DENND1A: variants seen among roughly 807,000 people sequenced by gnomAD.
DENND1A encodes DENN domain containing 1A, also known as DENN domain-containing protein 1A.
DENND1A carries 51 observed loss-of-function variants against 113.7 expected under a neutral mutation model. The observed-to-expected ratio is 0.45, with a 90% CI of 0.36 to 0.57. The LOEUF (loss-of-function observed/expected upper bound fraction) is 0.57, where lower values mean the gene tolerates loss of function less well. Ranked by LOEUF, DENND1A falls within the 20% of genes least tolerant of loss-of-function variation. The probability of loss-of-function intolerance (pLI) is 0.00; values close to 1 mark genes in which losing one functional copy is unlikely to be tolerated. For synonymous variants in DENND1A, 565 were observed against 570.8 expected (o/e 0.99, Z 0.14); for missense variants, 1,258 against 1,395.9 (o/e 0.90, Z 1.57).
intron 2 of DENND1A, among the ~76,000 whole-genome samples, chr9:123,809,545 G>A (rs1836185771): frequency 6.6e-6 from 1 of 152,170 alleles, no homozygotes; most frequent in South Asian, 2.1e-4. Flanking sequence ...CTGAGGAAAA[G>A]TACTTCTTTC....
chr9:123,603,095 A>G (rs1379450089), intron 11 of DENND1A, among the ~76,000 whole-genome samples: 1 of 152,220 alleles, frequency 6.6e-6, no homozygotes, highest in African/African-American at 2.4e-5. Flanking sequence ...TCATACAAAG[A>G]AGCAAAATGG....
At chr9:123,790,958 A>G (rs1028287924) in intron 3 of DENND1A, among the ~76,000 whole-genome samples, 1 of 152,062 alleles carries the variant, frequency 6.6e-6, no homozygotes, top group Non-Finnish European at 1.5e-5. Flanking sequence ...TTGTAAATTT[A>G]TTTTTGCTTT....
At chr9:123,894,430 C>T (rs1850397398) in intron 1 of DENND1A, among the ~76,000 whole-genome samples, 1 of 152,100 alleles carries the variant, frequency 6.6e-6, no homozygotes, top group Admixed American at 6.5e-5. Flanking sequence ...GTCAAGGAGA[C>T]AAAACATAAA....
intron 19 of DENND1A, among the ~76,000 whole-genome samples, chr9:123,429,851 T>C (rs2046005925): frequency 6.6e-6 from 1 of 152,102 alleles, no homozygotes; most frequent in Non-Finnish European, 1.5e-5. Context: ...ACAAATGGGA[T>C]CTAATTAAAT....
At chr9:123,880,867 C>G (rs1183192567) in intron 1 of DENND1A, among the ~76,000 whole-genome samples, 3 of 152,068 alleles carry the variant, frequency 2.0e-5, no homozygotes, top group South Asian at 2.1e-4. Context: ...TTCTAAGAGC[C>G]GGCATTTTTT....
intron 5 of DENND1A, among the ~76,000 whole-genome samples, chr9:123,702,534 C>T (rs914698229): frequency 6.6e-6 from 1 of 151,966 alleles, no homozygotes; most frequent in Admixed American, 6.6e-5. Flanking sequence ...AGATCAAAGA[C>T]AAAGAGAAAA....
chr9:123,720,649 C>CT (rs1589803435), intron 5 of DENND1A, among the ~76,000 whole-genome samples: 1 of 152,222 alleles, frequency 6.6e-6, no homozygotes, highest in African/African-American at 2.4e-5. Flanking sequence ...TCAGACTAAT[C>CT]TTAGCAGAGT....
intron 12 of DENND1A, among the ~76,000 whole-genome samples, chr9:123,571,143 A>G (rs1194450631): frequency 2.0e-5 from 3 of 152,162 alleles, no homozygotes; most frequent in African/African-American, 7.2e-5. Context: ...TAAATTGTCT[A>G]GGCATCTAGC....
intron 5 of DENND1A, among the ~76,000 whole-genome samples, chr9:123,709,510 C>T (rs1020956647): frequency 1.3e-5 from 2 of 152,152 alleles, no homozygotes; most frequent in African/African-American, 2.4e-5. Context: ...AGAACAATGT[C>T]AGAGGCCTCT....
At chr9:123,627,298 G>A (rs1408796678) in intron 10 of DENND1A, among the ~76,000 whole-genome samples, 1 of 152,230 alleles carries the variant, frequency 6.6e-6, no homozygotes, top group East Asian at 1.9e-4. Context: ...GAAAAACCCA[G>A]GAGCAGTTCT....
intron 8 of DENND1A, among the ~76,000 whole-genome samples, chr9:123,655,734 C>T (rs572366236): frequency 2.4e-4 from 37 of 152,304 alleles, no homozygotes; most frequent in African/African-American, 7.7e-4. Flanking sequence ...AGGACTTCCG[C>T]GGCAGGCTGT....
At chr9:123,630,125 C>CA (rs1230053867) in intron 10 of DENND1A, among the ~76,000 whole-genome samples, 2 of 151,160 alleles carry the variant, frequency 1.3e-5, no homozygotes, top group African/African-American at 4.9e-5. Context: ...ACTATAGCCT[C>CA]AACCTCTCTG....
At chr9:123,442,199 G>A (rs1413461480) in intron 18 of DENND1A, among the ~76,000 whole-genome samples, 7 of 152,192 alleles carry the variant, frequency 4.6e-5, no homozygotes, top group Non-Finnish European at 1.0e-4. Context: ...AATCAAGGCT[G>A]CCTGTAGAGG....
chr9:123,638,376 C>T (rs1295148125), intron 9 of DENND1A, among the ~76,000 whole-genome samples: 1 of 152,188 alleles, frequency 6.6e-6, no homozygotes, highest in Non-Finnish European at 1.5e-5. Context: ...ACAGGGACAG[C>T]CAATGTGCCA....
intron 2 of DENND1A, among the ~76,000 whole-genome samples, chr9:123,816,478 T>C (rs1837508238): frequency 1.3e-5 from 2 of 152,226 alleles, no homozygotes; most frequent in South Asian, 2.1e-4. Flanking sequence ...AAAGGTTAAA[T>C]GCTGCGGATG....
At chr9:123,417,414 G>A (rs1408213282) in intron 19 of DENND1A, among the ~76,000 whole-genome samples, 1 of 152,222 alleles carries the variant, frequency 6.6e-6, no homozygotes, top group Admixed American at 6.5e-5. Flanking sequence ...GAACCTCACA[G>A]TCCCTGGTGA....
chr9:123,826,109 C>G lies in DENND1A; in HGVS notation c.89-33479G>C, dbSNP rs542930035. Among the ~76,000 whole-genome samples, 10 of 152,254 alleles carry G rather than the reference C, an allele frequency of 6.6e-5. No homozygotes were observed. In the South Asian group the frequency reaches 1.7e-3, roughly 25 times the overall value. ...CTCAGTCCCCTGAGATTTCTGGGGT[C>G]CTTTTTGTTAATTTCTTCAGGCAGC... On this transcript the variant is annotated intron_variant, in intron 2 of 23. Coordinates refer to ENST00000394215, the MANE Select transcript of DENND1A (RefSeq NM_001352964.2).
At chr9:123,684,256 C>T (rs1309004803) in intron 5 of DENND1A, among the ~76,000 whole-genome samples, 1 of 152,194 alleles carries the variant, frequency 6.6e-6, no homozygotes. Flanking sequence ...TGCAGTGCCA[C>T]AGGCCTCCTG....
rs575064232 is a variant in DENND1A, at chr9:123,758,450, T to A, written c.183-628A>T. ...AAAGGAAACTAAGGACCAGAATACATCCTTAGTAACTGAATCACGTTCACA... is the reference window on the plus strand; with the variant it reads ...AAAGGAAACTAAGGACCAGAATACAACCTTAGTAACTGAATCACGTTCACA... On this transcript the variant is annotated intron_variant, in intron 4 of 23. Coordinates refer to ENST00000394215, the MANE Select transcript of DENND1A (RefSeq NM_001352964.2). Among the ~76,000 whole-genome samples, 11 of 152,160 alleles carry A rather than the reference T, an allele frequency of 7.2e-5. 1 individual carries two copies. Among genetic ancestry groups the A allele is most frequent in the East Asian group, 5.8e-4 (3 of 5,192 alleles).
Sources: gnomAD v4.1 joint callset for allele counts (sites outside exome capture counted in the v4.1 genomes callset) on GRCh38, gnomAD v4.1.1 for gene constraint, MANE v1.5 for transcripts, NCBI Gene and HGNC (gene_info 2026-07-23, HGNC 2026-07-21) for gene names.